Variants in WIPI2 observed in about 807,000 individuals in gnomAD.
The protein encoded by WIPI2 is WD repeat domain phosphoinositide-interacting protein 2.
Under a neutral mutation model 52.3 loss-of-function variants are expected in WIPI2, and 28 were observed. The ratio of observed to expected loss-of-function variants is 0.54; its 90% CI spans 0.40 to 0.73. WIPI2 has a LOEUF of 0.73. Ranked by LOEUF, WIPI2 falls within the 30% of genes least tolerant of loss-of-function variation. The pLI, the probability that WIPI2 is intolerant of heterozygous loss-of-function variation, is 0.00. For missense variants in WIPI2, 506 were observed against 602.9 expected (o/e 0.84, Z 1.68); for synonymous variants, 268 against 245.0 (o/e 1.09, Z -0.88).
chr7:5,200,873 G>A (rs1487705414), intron 3 of WIPI2, among the ~76,000 whole-genome samples: 3 of 152,248 alleles, frequency 2.0e-5, no homozygotes, highest in Admixed American at 2.0e-4. Flanking sequence ...TTTGCAGGGA[G>A]AGAGTGGGGC....
At chr7:5,192,157 G>A (rs573067853) in intron 1 of WIPI2, among the ~76,000 whole-genome samples, 3 of 152,264 alleles carry the variant, frequency 2.0e-5, no homozygotes, top group African/African-American at 7.2e-5. Flanking sequence ...GTAGCGTTCT[G>A]TGTGACCAAA....
intron 7 of WIPI2, among the ~76,000 whole-genome samples, chr7:5,221,943 A>C (rs1783152717): frequency 7.3e-6 from 1 of 137,078 alleles, no homozygotes; most frequent in Admixed American, 8.3e-5. Context: ...ACACAAATCC[A>C]GGCTTTTATT....
At position 5,193,319 on chromosome 7, in the gene WIPI2, TC is replaced by T. The variant is rs1781567850; in HGVS notation, c.128+150del. On this transcript the variant is annotated intron_variant, in intron 2 of 12. Coordinates refer to ENST00000288828, the MANE Select transcript of WIPI2 (RefSeq NM_015610.4). ...ATGGAAATATCAAGGACTACATTTT[TC>T]CAGTGGATACCACAGCTTGTGGGAA... 4.1e-6 allele frequency: 6 copies of T among 1,475,272 alleles called. No individual in the cohort carries two copies. In the East Asian group the frequency reaches 1.4e-4, roughly 35 times the overall value. 91.4% of individuals were successfully genotyped at this position (1,475,272 alleles called of 1,614,324 possible). A position where few individuals can be genotyped will look rare whatever the true frequency, so the allele number is the denominator to read the frequency against.
chr7:5,233,251 A>T lies in WIPI2; in HGVS notation c.*2304A>T, dbSNP rs561096181. Reference sequence around the variant, plus strand: ...TCCCGTTGCCCATTTCACTGCCACCAGCTCCTCTTCCTCTGCTCGAACCTA... The same window carrying T: ...TCCCGTTGCCCATTTCACTGCCACCTGCTCCTCTTCCTCTGCTCGAACCTA... On this transcript the variant is annotated 3_prime_UTR_variant, in exon 13 of 13. Coordinates refer to ENST00000288828, the MANE Select transcript of WIPI2 (RefSeq NM_015610.4). 1.3e-5 allele frequency: 2 copies of T among 152,376 alleles called. No homozygotes were observed. Among genetic ancestry groups the T allele is most frequent in the African/African-American group, 4.8e-5 (2 of 41,546 alleles). 9.4% of individuals were successfully genotyped at this position (152,376 alleles called of 1,614,324 possible).
chr7:5,215,109 G>T (rs1782748276), intron 4 of WIPI2, among the ~76,000 whole-genome samples: 1 of 152,220 alleles, frequency 6.6e-6, no homozygotes, highest in Non-Finnish European at 1.5e-5. Flanking sequence ...TCAGGAATTT[G>T]AGATCAGCCT....
intron 2 of WIPI2, among the ~76,000 whole-genome samples, chr7:5,194,281 G>T (rs576503490): frequency 6.6e-6 from 1 of 152,200 alleles, no homozygotes; most frequent in Non-Finnish European, 1.5e-5. Context: ...CCAGGTCTGG[G>T]CTGGCAGCCA....
chr7:5,208,204 T>C (rs1782384425), intron 3 of WIPI2, among the ~76,000 whole-genome samples: 1 of 152,242 alleles, frequency 6.6e-6, no homozygotes, highest in Non-Finnish European at 1.5e-5. Flanking sequence ...GTTGGCCGTT[T>C]ATATATCTTC....
At chr7:5,215,947 C>T (rs908028685) in intron 4 of WIPI2, among the ~76,000 whole-genome samples, 10 of 152,186 alleles carry the variant, frequency 6.6e-5, no homozygotes, top group African/African-American at 1.9e-4. Flanking sequence ...GTGCTGCACT[C>T]AGCATCAGTT....
Position 5,230,963 on chromosome 7 carries a change from T to G in WIPI2, c.*16T>G. 1 of 1,603,816 alleles carries G rather than the reference T, an allele frequency of 6.2e-7. No homozygotes were observed. The highest frequency in any genetic ancestry group is 2.3e-5 in the East Asian group (1 of 44,302). The stretch of plus-strand genomic sequence containing the variant: ...GACTGACTGAACTTGACCTGTGACC[T>G]CTGACCCGGGGAGCAGAGAACACTG... On this transcript the variant is annotated 3_prime_UTR_variant, in exon 13 of 13. Coordinates refer to ENST00000288828, the MANE Select transcript of WIPI2 (RefSeq NM_015610.4). The surrounding 1 kb of genome is among the most constrained non-coding windows in gnomAD (Gnocchi z 4.8).
intron 4 of WIPI2, among the ~76,000 whole-genome samples, chr7:5,215,147 C>A (rs578068935): frequency 6.6e-6 from 1 of 152,188 alleles, no homozygotes; most frequent in Non-Finnish European, 1.5e-5. Context: ...CCCGTCTCTA[C>A]TAAAAATACA....
chr7:5,223,623 T>G (rs1235743470), intron 8 of WIPI2, among the ~76,000 whole-genome samples: 1 of 152,112 alleles, frequency 6.6e-6, no homozygotes, highest in Non-Finnish European at 1.5e-5. Context: ...ACCCCCTTCC[T>G]CACCCCCGTG....
Position 5,231,545 on chromosome 7 carries a change from A to G in WIPI2, c.*598A>G, listed in dbSNP as rs1052388235. 2.6e-5 allele frequency: 4 copies of G among 152,202 alleles called. No homozygotes were observed. Among genetic ancestry groups the G allele is most frequent in the African/African-American group, 9.7e-5 (4 of 41,414 alleles). 9.4% of individuals were successfully genotyped at this position (152,202 alleles called of 1,614,324 possible). On this transcript the variant is annotated 3_prime_UTR_variant, in exon 13 of 13. Coordinates refer to ENST00000288828, the MANE Select transcript of WIPI2 (RefSeq NM_015610.4). Reference sequence around the variant, plus strand: ...ATTGGATCGCTCTGGGATTTCTTCCATGGTGGACTTTTGTTTCTGATCTTG... The same window carrying G: ...ATTGGATCGCTCTGGGATTTCTTCCGTGGTGGACTTTTGTTTCTGATCTTG...
At chr7:5,208,176 G>A (rs1290190518) in intron 3 of WIPI2, among the ~76,000 whole-genome samples, 3 of 152,126 alleles carry the variant, frequency 2.0e-5, no homozygotes, top group Middle Eastern at 3.2e-3. Context: ...TAATGATGTT[G>A]AACATTTTCA....
At chr7:5,229,529 C>T (rs1783616920) in intron 11 of WIPI2, 79 bp from the exon 12 acceptor site, 2 of 1,521,594 alleles carry the variant, frequency 1.3e-6, no homozygotes, top group African/African-American at 1.4e-5. Flanking sequence ...GGCTCTGTTG[C>T]CGCAGGGCAG....
intron 3 of WIPI2, 114 bp downstream of exon 3, chr7:5,199,772 C>G: frequency 9.8e-7 from 1 of 1,017,370 alleles, no homozygotes; most frequent in South Asian, 1.6e-5. Flanking sequence ...ACCCTCTTAC[C>G]AGTCCTCTGC....
At chr7:5,213,072 C>G (rs1782634188) in intron 3 of WIPI2, 1 of 152,118 alleles carries the variant, frequency 6.6e-6, no homozygotes, top group African/African-American at 2.4e-5. Context: ...TGTCCACGCA[C>G]TGGCATGATC....
chr7:5,217,111 A>G lies in WIPI2; in HGVS notation c.500A>G (p.Asn167Ser), dbSNP rs1013068365. The G allele has an allele frequency of 3.1e-6, 5 of 1,613,420 alleles. No homozygotes were observed. In the African/African-American group the frequency reaches 4.0e-5, roughly 13 times the overall value. The change falls in exon 6 of 13, where the codon AAC becomes AGC. Residue 167 changes from asparagine to serine, a missense_variant. Transcript: ENST00000288828. ...NPAGLCALSI[N>S]NDNCYLAYPG... ...GCAGGCCTGTGTGCGCTGTCAATCAACAACGACAACTGCTACTTGGCGTAC... is the reference window on the plus strand; with the variant it reads ...GCAGGCCTGTGTGCGCTGTCAATCAGCAACGACAACTGCTACTTGGCGTAC...
At chr7:5,206,039 C>A (rs1192960702) in intron 3 of WIPI2, among the ~76,000 whole-genome samples, 1 of 151,692 alleles carries the variant, frequency 6.6e-6, no homozygotes, top group African/African-American at 2.4e-5. Flanking sequence ...GTTTATGATT[C>A]TTTTCACCAT....
chr7:5,226,323 C>T (rs887770707), intron 9 of WIPI2: 6 of 197,688 alleles, frequency 3.0e-5, no homozygotes, highest in Non-Finnish European at 6.3e-5. Context: ...GGACGGCTTC[C>T]ACAAGAATTT....
Sources: gnomAD v4.1 joint callset for allele counts (sites outside exome capture counted in the v4.1 genomes callset) on GRCh38, gnomAD v4.1.1 for gene constraint, Gnocchi (gnomAD v3.1) non-coding constraint, MANE v1.5 for transcripts, NCBI Gene and HGNC (gene_info 2026-07-23, HGNC 2026-07-21) for gene names.